TXK: variants seen among roughly 807,000 people sequenced by gnomAD.
TXK encodes the protein tyrosine-protein kinase TXK.
In TXK, 60 loss-of-function variants were observed where a neutral mutation model predicts 81.0. The observed-to-expected ratio is 0.74, with a 90% CI of 0.60 to 0.92. TXK has a LOEUF of 0.92. Among genes scored for constraint, TXK ranks in the 40% least tolerant of loss-of-function variants. The probability of loss-of-function intolerance (pLI) is 0.00; values close to 1 mark genes in which losing one functional copy is unlikely to be tolerated. For synonymous variants in TXK, 203 were observed against 210.7 expected (o/e 0.96, Z 0.32); for missense variants, 581 against 638.3 (o/e 0.91, Z 0.97).
chr4:48,094,764 T>TTGTGTGGCCCC (rs1717917804), intron 7 of TXK, among the ~76,000 whole-genome samples: 1 of 152,018 alleles, frequency 6.6e-6, no homozygotes, highest in East Asian at 1.9e-4. Flanking sequence ...CACTTTCAGC[T>TTGTGTGGCCCC]TAGCCACGGG....
At chr4:48,089,584 G>T (rs530253697) in intron 9 of TXK, 166 bp downstream of exon 9, 1 of 500,866 alleles carries the variant, frequency 2.0e-6, no homozygotes. Context: ...TAGAGACGGG[G>T]TATCACCATT....
chr4:48,074,764 T>G (rs1293782656), intron 12 of TXK, among the ~76,000 whole-genome samples: 1 of 152,176 alleles, frequency 6.6e-6, no homozygotes, highest in East Asian at 1.9e-4. Flanking sequence ...CAGCATTTAT[T>G]AATGCTGCCC....
intron 6 of TXK, among the ~76,000 whole-genome samples, chr4:48,100,886 T>C (rs552563459): frequency 2.0e-5 from 3 of 152,048 alleles, no homozygotes; most frequent in Non-Finnish European, 4.4e-5. Context: ...TGTACTGATG[T>C]GGAAAGATTC....
At chr4:48,117,568 T>A (rs1718845803) in intron 1 of TXK, among the ~76,000 whole-genome samples, 1 of 152,140 alleles carries the variant, frequency 6.6e-6, no homozygotes, top group Non-Finnish European at 1.5e-5. Context: ...TATTCCCTAA[T>A]AAAAGGATTC....
Position 48,122,205 on chromosome 4 carries a change from A to T in TXK, c.17-7803T>A, listed in dbSNP as rs78705613. 7.0e-3 allele frequency among the ~76,000 whole-genome samples: 1,068 copies of T among 152,294 alleles called. 15 individuals carry two copies. Among genetic ancestry groups the T allele is most frequent in the African/African-American group, 0.024 (1,006 of 41,550 alleles). The stretch of plus-strand genomic sequence containing the variant: ...CCCCATTTCACTCAGGGTTATAGCT[A>T]CATGTTCCACAAGAGCCTATAAAAT... On this transcript the variant is annotated intron_variant, in intron 1 of 14. Coordinates refer to ENST00000264316, the MANE Select transcript of TXK (RefSeq NM_003328.3).
At chr4:48,084,664 C>A (rs1487875011) in intron 10 of TXK, among the ~76,000 whole-genome samples, 1 of 152,098 alleles carries the variant, frequency 6.6e-6, no homozygotes, top group Non-Finnish European at 1.5e-5. Flanking sequence ...ACCTAGGGAC[C>A]CAAAAACATC....
intron 6 of TXK, among the ~76,000 whole-genome samples, chr4:48,098,771 G>A (rs1488268462): frequency 6.6e-6 from 1 of 152,050 alleles, no homozygotes; most frequent in Non-Finnish European, 1.5e-5. Flanking sequence ...AGACCAACCT[G>A]GCCAACATAG....
chr4:48,131,870 T>C (rs1441160251), intron 1 of TXK, among the ~76,000 whole-genome samples: 1 of 152,208 alleles, frequency 6.6e-6, no homozygotes, highest in African/African-American at 2.4e-5. Context: ...CTTAAGTCAC[T>C]GCTGAGCTTG....
intron 1 of TXK, among the ~76,000 whole-genome samples, chr4:48,121,674 G>C (rs182257463): frequency 9.9e-5 from 15 of 152,022 alleles, no homozygotes; most frequent in Non-Finnish European, 1.6e-4. Flanking sequence ...ATATTGTTTA[G>C]GGAATAATAC....
At chr4:48,101,976 A>T (rs993555513) in intron 6 of TXK, among the ~76,000 whole-genome samples, 1 of 151,906 alleles carries the variant, frequency 6.6e-6, no homozygotes, top group African/African-American at 2.4e-5. Flanking sequence ...TTTATTTTTT[A>T]TTTTTTTAAT....
At chr4:48,130,637 C>T (rs1178583658) in intron 1 of TXK, among the ~76,000 whole-genome samples, 1 of 152,230 alleles carries the variant, frequency 6.6e-6, no homozygotes, top group Non-Finnish European at 1.5e-5. Flanking sequence ...AGGAGGAGGA[C>T]TGCCTAAGGG....
At chr4:48,101,968 T>A (rs1718210411) in intron 6 of TXK, among the ~76,000 whole-genome samples, 1 of 152,094 alleles carries the variant, frequency 6.6e-6, no homozygotes, top group Non-Finnish European at 1.5e-5. Context: ...TTACTTTTTT[T>A]ATTTTTTATT....
chr4:48,072,546 G>A (rs912822616), intron 13 of TXK, among the ~76,000 whole-genome samples: 7 of 152,220 alleles, frequency 4.6e-5, no homozygotes, highest in African/African-American at 1.7e-4. Flanking sequence ...TTGATTGATT[G>A]ATTAGTGAAA....
intron 1 of TXK, among the ~76,000 whole-genome samples, chr4:48,124,155 T>C (rs1213864168): frequency 1.3e-5 from 2 of 152,170 alleles, no homozygotes; most frequent in Non-Finnish European, 2.9e-5. Context: ...CTCACCACTA[T>C]CAACATTTTA....
rs780904953 is a variant in TXK, at chr4:48,079,975, T to C, written c.1110A>G (p.Val370=). The change falls in exon 11 of 15, where the codon GTA becomes GTG. Residue 370 remains valine (V), a synonymous_variant. Transcript: ENST00000264316. Reference sequence around the variant, plus strand: ...CCATTCCTTCACATATATCCTGGCATACACTCAGTAGCATTTCCTTCCTAA... The same window carrying C: ...CCATTCCTTCACATATATCCTGGCACACACTCAGTAGCATTTCCTTCCTAA... The part of the protein sequence containing the change: ...GKLRKEMLLS[V]CQDICEGMEY... 5.0e-6 allele frequency: 8 copies of C among 1,614,074 alleles called. No individual in the cohort carries two copies. Among genetic ancestry groups the C allele is most frequent in the Non-Finnish European group, 3.4e-6 (4 of 1,179,962 alleles).
chr4:48,076,587 T>C, intron 11 of TXK, 121 bp from the exon 12 acceptor site: 1 of 726,976 alleles, frequency 1.4e-6, no homozygotes. Context: ...CGCCAAGTCA[T>C]TTTTATGGTG....
At chr4:48,098,685 G>A (rs1718074334) in intron 6 of TXK, among the ~76,000 whole-genome samples, 1 of 151,676 alleles carries the variant, frequency 6.6e-6, no homozygotes, top group Non-Finnish European at 1.5e-5. Flanking sequence ...AAAAGGGCCG[G>A]ACGCAGTGGC....
intron 5 of TXK, among the ~76,000 whole-genome samples, chr4:48,105,401 C>T (rs564302473): frequency 2.6e-5 from 4 of 152,122 alleles, no homozygotes; most frequent in Non-Finnish European, 5.9e-5. Context: ...ACTTTTCTGA[C>T]ACTCCTAAGT....
At position 48,089,766 on chromosome 4, in the gene TXK, T is replaced by A. The variant is rs1717685040; in HGVS notation, c.768A>T (p.Thr256=). 4 of 1,613,458 alleles carry A rather than the reference T, an allele frequency of 2.5e-6. No individual in the cohort carries two copies. Among genetic ancestry groups the A allele is most frequent in the Non-Finnish European group, 2.5e-6 (3 of 1,179,598 alleles). Residue 256 remains threonine (T), a synonymous_variant, in exon 9 of 15, where the codon ACA becomes ACT. Transcript: ENST00000264316. ...ACACTTTACCGTAGCTAAACCCAGCTGTGGCTGGTAAACAACTGCCCATCA... is the reference window on the plus strand; with the variant it reads ...ACACTTTACCGTAGCTAAACCCAGCAGTGGCTGGTAAACAACTGCCCATCA... The part of the protein sequence containing the change: ...VGLMGSCLPA[T]AGFSYEKWEI...
Sources: allele counts gnomAD v4.1 joint callset (sites outside exome capture counted in the v4.1 genomes callset), GRCh38; gene constraint gnomAD v4.1.1; transcripts MANE v1.5; gene names NCBI Gene and HGNC (gene_info 2026-07-23, HGNC 2026-07-21).